Variants in SYNDIG1L observed in about 807,000 individuals in gnomAD.
SYNDIG1L encodes the protein synapse differentiation-inducing gene protein 1-like.
In SYNDIG1L, 13 loss-of-function variants were observed where a neutral mutation model predicts 20.1. That is an observed-to-expected ratio of 0.65 (90% CI 0.42 to 1.03). The LOEUF (loss-of-function observed/expected upper bound fraction) is 1.03. Among genes scored for constraint, SYNDIG1L ranks in the 50% least tolerant of loss-of-function variants. The probability of loss-of-function intolerance (pLI) is 0.00; values close to 1 mark genes in which losing one functional copy is unlikely to be tolerated. For synonymous variants in SYNDIG1L, 128 were observed against 129.3 expected, an observed-to-expected ratio of 0.99 and a Z score of 0.07; for missense variants, 294 against 305.1, an observed-to-expected ratio of 0.96 and a Z score of 0.27.
At chr14:74,446,790 T>C in the SYNDIG1L span, among the ~76,000 whole-genome samples, 1 of 152,138 alleles carries the variant, frequency 6.6e-6, no homozygotes, top group African/African-American at 2.4e-5. Flanking sequence ...CTAATTTTTG[T>C]ATTTTTAGTA....
At chr14:74,428,363 A>C (rs1195224341), upstream of SYNDIG1L, among the ~76,000 whole-genome samples, 2 of 152,196 alleles carry the variant, frequency 1.3e-5, no homozygotes, top group South Asian at 2.1e-4. Context: ...AACCATGCAA[A>C]GTTTCCATTC....
upstream of SYNDIG1L, among the ~76,000 whole-genome samples, chr14:74,428,103 G>A (rs571998085): frequency 8.5e-4 from 129 of 152,392 alleles, no homozygotes; most frequent in Middle Eastern, 6.8e-3. Context: ...CTGGCCTGGT[G>A]CCAGGAGACC....
chr14:74,421,975 T>G (rs1343054563), intron 1 of SYNDIG1L, among the ~76,000 whole-genome samples: 1 of 152,144 alleles, frequency 6.6e-6, no homozygotes, highest in Non-Finnish European at 1.5e-5. Flanking sequence ...GCTTGGCAGA[T>G]GGGCTTGTGG....
chr14:74,447,497 G>A, the SYNDIG1L span, among the ~76,000 whole-genome samples: 1 of 151,576 alleles, frequency 6.6e-6, no homozygotes, highest in Admixed American at 6.6e-5. Flanking sequence ...TGAGGCTGGA[G>A]AATTGCTTGA....
At chr14:74,470,846 T>C in the SYNDIG1L span, among the ~76,000 whole-genome samples, 1 of 152,242 alleles carries the variant, frequency 6.6e-6, no homozygotes, top group Non-Finnish European at 1.5e-5. Flanking sequence ...ACTGCCTGCC[T>C]CTGAGAACTT....
rs1354821867 is a variant in SYNDIG1L, at chr14:74,411,820, T to C, written c.-57-2019A>G. On this transcript the variant is annotated intron_variant, in intron 1 of 3. Transcript: ENST00000331628. ...AGCTCTGAATCCAAGACTGGCTGCC[T>C]CTAAGCTGGGCTCCAAGAACATCTA... Among the ~76,000 whole-genome samples, 3 of 152,152 alleles carry C rather than the reference T, an allele frequency of 2.0e-5. 1 individual carries two copies. The highest frequency in any genetic ancestry group is 4.4e-5 in the Non-Finnish European group (3 of 68,020).
the SYNDIG1L span, among the ~76,000 whole-genome samples, chr14:74,455,576 C>T: frequency 2.6e-5 from 4 of 152,204 alleles, no homozygotes; most frequent in South Asian, 4.1e-4. Context: ...CCTGCCACCA[C>T]GCCTGGCTAA....
the SYNDIG1L span, chr14:74,473,953 T>C: frequency 6.6e-6 from 1 of 152,222 alleles, no homozygotes; most frequent in African/African-American, 2.4e-5. Flanking sequence ...ACCTTGTTCT[T>C]CTGGTGACCA....
the SYNDIG1L span, among the ~76,000 whole-genome samples, chr14:74,448,539 T>C: frequency 1.3e-5 from 2 of 152,144 alleles, no homozygotes; most frequent in African/African-American, 4.8e-5. Context: ...GATTCATAAT[T>C]ATAGCTGAAA....
the SYNDIG1L span, among the ~76,000 whole-genome samples, chr14:74,443,060 A>G: frequency 2.0e-5 from 3 of 152,208 alleles, no homozygotes; most frequent in East Asian, 5.8e-4. Context: ...ATTTGGGGAA[A>G]ATTAGCACAG....
the SYNDIG1L span, among the ~76,000 whole-genome samples, chr14:74,447,418 G>A: frequency 1.6e-4 from 25 of 152,008 alleles, no homozygotes; most frequent in African/African-American, 6.0e-4. Flanking sequence ...GAAACCCCGT[G>A]TCTAATAAAA....
intron 1 of SYNDIG1L, among the ~76,000 whole-genome samples, chr14:74,423,693 TACACACAC>T (rs10532344): frequency 0.023 from 3,437 of 151,348 alleles, 129 homozygotes; most frequent in African/African-American, 0.076. Context: ...GATATATATA[TACACACAC>T]ACACACACAC....
In SYNDIG1L at chr14:74,420,104, T is replaced by C. The variant is rs373704283; in HGVS notation, c.-58+5808A>G. Among the ~76,000 whole-genome samples the C allele has an allele frequency of 7.2e-5, 11 of 152,062 alleles. No homozygotes were observed. The East Asian group carries it at 2.1e-3, about 29-fold the overall frequency. ...TCCTGTTAAGAAACTATTGTAGGAATGCAGGCAGAAGGCCAGGCACGGTGG... is the reference window on the plus strand; with the variant it reads ...TCCTGTTAAGAAACTATTGTAGGAACGCAGGCAGAAGGCCAGGCACGGTGG... On this transcript the variant is annotated intron_variant, in intron 1 of 3. Coordinates refer to ENST00000331628, the MANE Select transcript of SYNDIG1L (RefSeq NM_001105579.2).
the SYNDIG1L span, among the ~76,000 whole-genome samples, chr14:74,440,516 T>TAAAAA: frequency 1.0e-3 from 98 of 97,208 alleles, no homozygotes; most frequent in Admixed American, 2.0e-3. Flanking sequence ...CTCCGTCTCA[T>TAAAAA]AAAAAAAAAA....
chr14:74,465,656 A>G, the SYNDIG1L span, among the ~76,000 whole-genome samples: 1 of 152,186 alleles, frequency 6.6e-6, no homozygotes, highest in East Asian at 1.9e-4. Context: ...GGCAACATCC[A>G]GGTTCTGACA....
the SYNDIG1L span, among the ~76,000 whole-genome samples, chr14:74,433,779 T>A: frequency 6.6e-6 from 1 of 152,208 alleles, no homozygotes; most frequent in Admixed American, 6.5e-5. Flanking sequence ...ACCCAAGGTT[T>A]TATGGCTTGT....
chr14:74,465,161 T>C, the SYNDIG1L span, among the ~76,000 whole-genome samples: 4 of 152,138 alleles, frequency 2.6e-5, no homozygotes, highest in Non-Finnish European at 4.4e-5. Flanking sequence ...GACACTTCAT[T>C]TGGTGCAGTA....
chr14:74,425,515 G>GGGTGC (rs2139633618), intron 1 of SYNDIG1L, among the ~76,000 whole-genome samples: 1 of 152,296 alleles, frequency 6.6e-6, no homozygotes, highest in African/African-American at 2.4e-5. Flanking sequence ...GAACAGGTTT[G>GGGTGC]GGTGCGAGAA....
chr14:74,471,778 T>C, the SYNDIG1L span, among the ~76,000 whole-genome samples: 1 of 152,228 alleles, frequency 6.6e-6, no homozygotes, highest in African/African-American at 2.4e-5. Flanking sequence ...GTTCTGTCTC[T>C]AAAGAGTGTG....
Sources: gnomAD v4.1 joint callset for allele counts (sites outside exome capture counted in the v4.1 genomes callset) on GRCh38, gnomAD v4.1.1 for gene constraint, MANE v1.5 for transcripts, NCBI Gene and HGNC (gene_info 2026-07-23, HGNC 2026-07-21) for gene names.